PTPRK: variants seen among roughly 807,000 people sequenced by gnomAD.
The protein encoded by PTPRK is protein tyrosine phosphatase receptor type K, also known as receptor-type tyrosine-protein phosphatase kappa.
PTPRK carries 75 observed loss-of-function variants against 178.0 expected under a neutral mutation model. That is an observed-to-expected ratio of 0.42 (90% CI 0.35 to 0.51). PTPRK has a LOEUF of 0.51. Ranked by LOEUF, PTPRK falls within the 20% of genes least tolerant of loss-of-function variation. The pLI is 0.02. For synonymous variants in PTPRK, 637 were observed against 620.6 expected, an observed-to-expected ratio of 1.03 and a Z score of -0.39; for missense variants, 1,441 against 1,797.8, an observed-to-expected ratio of 0.80 and a Z score of 3.59.
chr6:128,177,997 G>C (rs1039640264), intron 7 of PTPRK, among the ~76,000 whole-genome samples: 1 of 151,774 alleles, frequency 6.6e-6, no homozygotes, highest in African/African-American at 2.4e-5. Flanking sequence ...TGAGTAGAAA[G>C]GAAAGAGGGA....
At chr6:128,426,245 T>C (rs1041045856) in intron 1 of PTPRK, among the ~76,000 whole-genome samples, 2 of 152,216 alleles carry the variant, frequency 1.3e-5, no homozygotes, top group Non-Finnish European at 2.9e-5. Context: ...TGCGTATTAG[T>C]ATTTATCAAC....
chr6:128,228,182 A>C (rs1379995111), intron 5 of PTPRK, among the ~76,000 whole-genome samples: 1 of 152,094 alleles, frequency 6.6e-6, no homozygotes, highest in African/African-American at 2.4e-5. Flanking sequence ...ACTACAGTAA[A>C]GTCAACAGAT....
intron 13 of PTPRK, among the ~76,000 whole-genome samples, chr6:128,038,793 C>T (rs533788912): frequency 3.9e-5 from 6 of 152,208 alleles, no homozygotes; most frequent in East Asian, 1.9e-4. Context: ...CAGTTAACTG[C>T]GTTTGTCTCT....
rs761311482 is a variant in PTPRK at position 127,990,810 on chromosome 6, G to T, written c.3055C>A (p.Pro1019Thr). The T allele has an allele frequency of 1.2e-6, 2 of 1,611,200 alleles. No homozygotes were observed. Among genetic ancestry groups the T allele is most frequent in the Non-Finnish European group, 1.7e-6 (2 of 1,177,804 alleles). Reference sequence around the variant, plus strand: ...GTCCTAACTACATATTCAGCAAGTGGTTCCATTTCTACACACGTTACTTTG... The same window carrying T: ...GTCCTAACTACATATTCAGCAAGTGTTTCCATTTCTACACACGTTACTTTG... ...DFKVTCVEME[P>T]LAEYVVRTFT... The change falls in exon 21 of 30, where the codon CCA (proline) becomes ACA (threonine). Residue 1019 changes from proline (P) to threonine (T), a missense_variant. Physicochemically the swap from Pro to Thr is conservative, Grantham distance 38. This residue lies in a region of PTPRK where 945 missense variants were observed against 1,080.6 expected (regional missense o/e 0.87). Transcript: ENST00000368226.
intron 1 of PTPRK, among the ~76,000 whole-genome samples, chr6:128,439,613 A>G (rs72974085): frequency 1.0e-3 from 158 of 152,334 alleles, no homozygotes; most frequent in Non-Finnish European, 2.0e-3. Flanking sequence ...ACCAAGGAGT[A>G]AAGCCTACCG....
At chr6:128,416,662 A>G (rs1842895627) in intron 1 of PTPRK, among the ~76,000 whole-genome samples, 2 of 151,612 alleles carry the variant, frequency 1.3e-5, no homozygotes, top group Admixed American at 1.3e-4. Flanking sequence ...AAAAAAAAAA[A>G]AAAGAACTGG....
intron 1 of PTPRK, among the ~76,000 whole-genome samples, chr6:128,422,981 T>G (rs1199498776): frequency 6.6e-6 from 1 of 152,192 alleles, no homozygotes; most frequent in Non-Finnish European, 1.5e-5. Flanking sequence ...TGACAAAAAT[T>G]TGGGAAGTCC....
chr6:128,038,973 G>C (rs1353840853), intron 13 of PTPRK, among the ~76,000 whole-genome samples: 1 of 152,154 alleles, frequency 6.6e-6, no homozygotes. Flanking sequence ...CTAATTAGTA[G>C]TGATAAGGAT....
At chr6:128,520,151 A>C in intron 1 of PTPRK, 108 bp downstream of exon 1, 6 of 935,992 alleles carry the variant, frequency 6.4e-6, no homozygotes, top group Non-Finnish European at 9.5e-6. Context: ...ACCCCCGGAC[A>C]GAGAGAGCTC....
chr6:128,191,790 T>C (rs966209583), intron 6 of PTPRK, among the ~76,000 whole-genome samples: 1 of 151,946 alleles, frequency 6.6e-6, no homozygotes, highest in African/African-American at 2.4e-5. Flanking sequence ...ATGTAGAAAA[T>C]AATTTTAACA....
chr6:128,315,991 A>G (rs999040350), intron 3 of PTPRK, among the ~76,000 whole-genome samples: 4 of 152,192 alleles, frequency 2.6e-5, no homozygotes, highest in Admixed American at 2.6e-4. Context: ...CCAATTAACT[A>G]TCAAAGTCAG....
intron 1 of PTPRK, among the ~76,000 whole-genome samples, chr6:128,511,301 TC>T (rs1304366836): frequency 6.6e-6 from 1 of 152,102 alleles, no homozygotes; most frequent in Non-Finnish European, 1.5e-5. Context: ...CCCCATCATC[TC>T]CCATCTTCTT....
At chr6:128,265,961 C>T (rs1583789883) in intron 3 of PTPRK, among the ~76,000 whole-genome samples, 1 of 152,086 alleles carries the variant, frequency 6.6e-6, no homozygotes, top group Non-Finnish European at 1.5e-5. Flanking sequence ...CTCTTCTGCA[C>T]TGTGAGAACA....
chr6:128,000,412 C>G, intron 15 of PTPRK: 1 of 927,586 alleles, frequency 1.1e-6, no homozygotes, highest in South Asian at 1.9e-5. Context: ...TATCTTTACT[C>G]CCTCTTATTA....
chr6:127,982,994 G>A lies in PTPRK; in HGVS notation c.3388-14C>T. On this transcript the variant is annotated splice_polypyrimidine_tract_variant and intron_variant, in intron 23 of 29. Coordinates refer to ENST00000368226, the MANE Select transcript of PTPRK (RefSeq NM_002844.4). ...AATGTACTGTTCCTACCAAAAGAAT[G>A]AAAAAGAAAATTTTGTACTAGTTTT... is the stretch of plus-strand genomic sequence containing the variant. 1 of 1,592,824 alleles carries A rather than the reference G, an allele frequency of 6.3e-7. No individual in the cohort carries two copies. Among genetic ancestry groups the A allele is most frequent in the African/African-American group, 1.4e-5 (1 of 73,562 alleles).
chr6:128,056,732 G>A (rs1779966928), intron 13 of PTPRK, among the ~76,000 whole-genome samples: 2 of 152,026 alleles, frequency 1.3e-5, no homozygotes, highest in Admixed American at 6.6e-5. Context: ...CTAGAAATAT[G>A]CTTTTAAATA....
In PTPRK at chr6:128,307,152, G is replaced by GAA. The variant is rs199552590; in HGVS notation, c.495+14885_495+14886dup. 5.3e-4 allele frequency among the ~76,000 whole-genome samples: 62 copies of GAA among 117,698 alleles called. 1 individual carries two copies. Among genetic ancestry groups the GAA allele is most frequent in the South Asian group, 1.1e-3 (4 of 3,662 alleles). 77.2% of individuals were successfully genotyped at this position (117,698 alleles called of 152,430 possible). A position where few individuals can be genotyped will look rare whatever the true frequency, so the allele number is the denominator to read the frequency against. ...CAGATAGAAGGCTCAGAGCTCAGAA[G>GAA]AAAAAAAAATATATATATATATATA... On this transcript the variant is annotated intron_variant, in intron 3 of 29. Transcript: ENST00000368226.
chr6:127,994,371 C>T (rs1776915512), intron 18 of PTPRK, among the ~76,000 whole-genome samples: 1 of 151,650 alleles, frequency 6.6e-6, no homozygotes, highest in South Asian at 2.1e-4. Context: ...TTATAGCACA[C>T]CTAGATTTTA....
At chr6:127,983,148 T>TC in intron 23 of PTPRK, 94 bp downstream of exon 23, 1 of 1,329,638 alleles carries the variant, frequency 7.5e-7, no homozygotes, top group Non-Finnish European at 1.0e-6. Flanking sequence ...AACATCTCTT[T>TC]CGGTTGAGTA....
Sources: allele counts gnomAD v4.1 joint callset (sites outside exome capture counted in the v4.1 genomes callset), GRCh38; gene constraint gnomAD v4.1.1; regional missense constraint gnomAD v4.1.1; transcripts MANE v1.5; gene names NCBI Gene and HGNC (gene_info 2026-07-23, HGNC 2026-07-21).